The following ANXA8 variants were observed in gnomAD, a reference collection of about 807,000 sequenced individuals.
ANXA8 encodes VAC-beta.
A neutral mutation model predicts 26.8 loss-of-function variants in ANXA8; 9 were observed. The observed-to-expected ratio is 0.34, with a 90% CI of 0.20 to 0.59. ANXA8 has a LOEUF of 0.59. Among genes scored for constraint, ANXA8 ranks in the 20% least tolerant of loss-of-function variants. The pLI is 0.84. For missense variants in ANXA8, 83 were observed against 238.5 expected (o/e 0.35, Z 4.29); for synonymous variants, 39 against 94.8 (o/e 0.41, Z 3.42).
At chr10:47,702,343 CTT>C in the ANXA8 span, among the ~76,000 whole-genome samples, 7 of 140,058 alleles carry the variant, frequency 5.0e-5, no homozygotes, top group Non-Finnish European at 9.4e-5. Context: ...CTTTTCTTTT[CTT>C]TTTTTTTTTT....
chr10:47,489,054 G>A (rs2132451869), upstream of ANXA8, among the ~76,000 whole-genome samples: 2 of 146,290 alleles, frequency 1.4e-5, no homozygotes, highest in East Asian at 4.1e-4. Flanking sequence ...GTCTTGCTCT[G>A]TAGCCCAGGC....
chr10:47,470,525 T>C (rs1211548329), intron 11 of ANXA8, among the ~76,000 whole-genome samples: 1 of 95,288 alleles, frequency 1.0e-5, no homozygotes, highest in Non-Finnish European at 2.1e-5. Context: ...CCTGCCCACC[T>C]GTTTCAAGAT....
chr10:47,666,068 A>T, the ANXA8 span, among the ~76,000 whole-genome samples: 17 of 150,958 alleles, frequency 1.1e-4, no homozygotes, highest in Admixed American at 9.2e-4. Context: ...AGGTACAGTC[A>T]GTTCTTCAGT....
the ANXA8 span, chr10:47,502,170 G>C: frequency 1.9e-6 from 3 of 1,554,506 alleles, no homozygotes; most frequent in Non-Finnish European, 2.6e-6. Flanking sequence ...GTGTTCCCGT[G>C]GGCATCTCGG....
At chr10:47,520,859 A>AAAG in the ANXA8 span, among the ~76,000 whole-genome samples, 1 of 129,384 alleles carries the variant, frequency 7.7e-6, no homozygotes, top group African/African-American at 3.4e-5. Context: ...AAAAAAAAAA[A>AAAG]AAGAAGAAGA....
At chr10:47,672,997 G>A in the ANXA8 span, among the ~76,000 whole-genome samples, 1 of 150,370 alleles carries the variant, frequency 6.7e-6, no homozygotes, top group Non-Finnish European at 1.5e-5. Flanking sequence ...GTTGCTCTAG[G>A]ATGGAACAAC....
the ANXA8 span, among the ~76,000 whole-genome samples, chr10:47,683,418 C>T: frequency 2.0e-5 from 3 of 151,660 alleles, no homozygotes; most frequent in South Asian, 2.1e-4. Context: ...TTAGTAGAGA[C>T]GGGGTTTCAC....
At chr10:47,982,833 T>A in the ANXA8 span, among the ~76,000 whole-genome samples, 1 of 71,128 alleles carries the variant, frequency 1.4e-5, no homozygotes, top group Non-Finnish European at 2.9e-5. Context: ...TATATATATA[T>A]AAAATTTGAT....
the ANXA8 span, among the ~76,000 whole-genome samples, chr10:47,659,866 C>G: frequency 6.6e-6 from 1 of 151,450 alleles, no homozygotes; most frequent in Non-Finnish European, 1.5e-5. Flanking sequence ...AGGTGATTCT[C>G]CCACCTGAGC....
chr10:47,643,504 C>T, the ANXA8 span, among the ~76,000 whole-genome samples: 11 of 148,190 alleles, frequency 7.4e-5, 1 homozygote, highest in South Asian at 2.1e-4. Context: ...ACTCGAAACT[C>T]GGTGACAGAG....
the ANXA8 span, among the ~76,000 whole-genome samples, chr10:47,683,112 A>G: frequency 2.0e-5 from 3 of 152,098 alleles, no homozygotes; most frequent in African/African-American, 7.2e-5. Context: ...TTAAACTTCA[A>G]CTGCTTTTGT....
chr10:47,605,043 T>C, the ANXA8 span, among the ~76,000 whole-genome samples: 1 of 151,088 alleles, frequency 6.6e-6, no homozygotes, highest in Non-Finnish European at 1.5e-5. Context: ...CTTGACTGTC[T>C]TGCAGTGCAT....
chr10:47,974,101 A>C, the ANXA8 span, among the ~76,000 whole-genome samples: 2 of 150,946 alleles, frequency 1.3e-5, 1 homozygote, highest in Non-Finnish European at 3.0e-5. Context: ...GTATTTCTGC[A>C]TGTATCAGTA....
At chr10:47,646,148 A>G in the ANXA8 span, among the ~76,000 whole-genome samples, 3 of 147,162 alleles carry the variant, frequency 2.0e-5, no homozygotes, top group South Asian at 2.1e-4. Flanking sequence ...CTCTATCTCT[A>G]CCTCTATGTC....
chr10:47,520,743 C>T, the ANXA8 span, among the ~76,000 whole-genome samples: 273 of 91,748 alleles, frequency 3.0e-3, no homozygotes, highest in African/African-American at 0.013. Context: ...TGCTTGTAGT[C>T]CCAGCTACTC....
the ANXA8 span, among the ~76,000 whole-genome samples, chr10:47,504,846 CTTTTTTTTT>C: frequency 9.2e-4 from 43 of 46,828 alleles, no homozygotes; most frequent in Middle Eastern, 0.014. Flanking sequence ...CATAACTGTT[CTTTTTTTTT>C]TTTTTTTTTT....
chr10:47,587,309 G>A, the ANXA8 span, among the ~76,000 whole-genome samples: 8 of 148,932 alleles, frequency 5.4e-5, no homozygotes, highest in South Asian at 8.3e-4. Flanking sequence ...ATTTTCTCAC[G>A]ATTTATAAAC....
At chr10:47,648,595 A>T in the ANXA8 span, among the ~76,000 whole-genome samples, 2 of 131,540 alleles carry the variant, frequency 1.5e-5, no homozygotes, top group Non-Finnish European at 3.1e-5. Context: ...CCCATTAACC[A>T]TATGTTTTAT....
At chr10:47,551,346 C>T in the ANXA8 span, among the ~76,000 whole-genome samples, 54 of 150,584 alleles carry the variant, frequency 3.6e-4, 1 homozygote, top group East Asian at 6.1e-3. Context: ...AGTTGAATAA[C>T]GTTTAAAGTA....
Sources: gnomAD v4.1 joint callset for allele counts (sites outside exome capture counted in the v4.1 genomes callset) on GRCh38, gnomAD v4.1.1 for gene constraint, MANE v1.5 for transcripts, NCBI Gene and HGNC (gene_info 2026-07-23, HGNC 2026-07-21) for gene names.